Variants in SEL1L3 observed in about 807,000 individuals in gnomAD.
The protein encoded by SEL1L3 is SEL1L family member 3.
A neutral mutation model predicts 142.8 loss-of-function variants in SEL1L3; 76 were observed. The ratio of observed to expected loss-of-function variants is 0.53; its 90% CI spans 0.44 to 0.64. The LOEUF (loss-of-function observed/expected upper bound fraction) is 0.64, where lower values mean the gene tolerates loss of function less well. Among genes scored for constraint, SEL1L3 ranks in the 30% least tolerant of loss-of-function variants. SEL1L3 has a pLI of 0.00. For synonymous variants in SEL1L3, 504 were observed against 519.6 expected, an observed-to-expected ratio of 0.97 and a Z score of 0.41; for missense variants, 1,262 against 1,381.7, an observed-to-expected ratio of 0.91 and a Z score of 1.37.
At chr4:25,714,480 CTTTCTTTCTCTTTCTTTCTT>C in the SEL1L3 span, among the ~76,000 whole-genome samples, 12 of 121,970 alleles carry the variant, frequency 9.8e-5, no homozygotes, top group African/African-American at 3.7e-4. Context: ...AAATTGCTTT[CTTTCTTTCTCTTTCTTTCTT>C]TTTCTTTCTT....
chr4:25,862,622 C>T (rs563433167), intron 1 of SEL1L3, 53 bp downstream of exon 1: 61 of 1,053,578 alleles, frequency 5.8e-5, no homozygotes, highest in Admixed American at 9.0e-5. Context: ...CCCCCACCCG[C>T]GTCCCCGGGG....
the SEL1L3 span, among the ~76,000 whole-genome samples, chr4:25,741,270 A>C: frequency 6.6e-6 from 1 of 150,704 alleles, no homozygotes; most frequent in South Asian, 2.1e-4. Flanking sequence ...CACCCAGCTA[A>C]TTTTTGTATT....
intron 9 of SEL1L3, among the ~76,000 whole-genome samples, chr4:25,812,173 A>G (rs564043308): frequency 2.0e-5 from 3 of 152,164 alleles, no homozygotes; most frequent in Admixed American, 6.5e-5. Flanking sequence ...ATATGACCAC[A>G]CATGGCGTGT....
At chr4:25,752,366 G>A (rs192722361) in intron 23 of SEL1L3, among the ~76,000 whole-genome samples, 31 of 146,600 alleles carry the variant, frequency 2.1e-4, no homozygotes, top group Non-Finnish European at 2.4e-4. Flanking sequence ...GCAGTGAGCC[G>A]AGATAGCGCC....
chr4:25,753,385 G>A (rs1406656272), intron 23 of SEL1L3, among the ~76,000 whole-genome samples: 1 of 152,186 alleles, frequency 6.6e-6, no homozygotes, highest in Non-Finnish European at 1.5e-5. Flanking sequence ...AGCTGCTGAC[G>A]GGAGGCTCCT....
chr4:25,745,921 T>A (rs1717247620), downstream of SEL1L3, among the ~76,000 whole-genome samples: 1 of 152,258 alleles, frequency 6.6e-6, no homozygotes, highest in Non-Finnish European at 1.5e-5. Context: ...GGAGAGAGGA[T>A]CTCAGCAGAG....
chr4:25,832,924 G>A (rs535314063), intron 5 of SEL1L3, 71 bp downstream of exon 5: 45 of 935,298 alleles, frequency 4.8e-5, no homozygotes, highest in South Asian at 3.3e-4. Context: ...GTTGCTCCCC[G>A]GCTTTATAGC....
chr4:25,795,585 G>C (rs954147735), intron 11 of SEL1L3, among the ~76,000 whole-genome samples: 3 of 152,096 alleles, frequency 2.0e-5, no homozygotes, highest in Admixed American at 2.0e-4. Context: ...CCCATGTTAC[G>C]GGTGAGAAAC....
chr4:25,723,730 G>C, the SEL1L3 span, among the ~76,000 whole-genome samples: 4 of 152,102 alleles, frequency 2.6e-5, no homozygotes, highest in South Asian at 8.3e-4. Flanking sequence ...ACCACCACCA[G>C]CTGCTGGTCC....
At chr4:25,726,712 G>A in the SEL1L3 span, among the ~76,000 whole-genome samples, 17 of 152,128 alleles carry the variant, frequency 1.1e-4, no homozygotes, top group Admixed American at 6.6e-5. Flanking sequence ...CCCTTTGGGT[G>A]GTGAAATTAT....
Position 25,750,220 on chromosome 4 carries a change from G to A in SEL1L3, c.3260-1656C>T, listed in dbSNP as rs187068628. Among the ~76,000 whole-genome samples the A allele has an allele frequency of 6.1e-5, 8 of 131,308 alleles. No homozygotes were observed. The East Asian group carries it at 1.8e-3, about 30-fold the overall frequency. The allele number at this position is 131,308 out of a possible 152,430, so 86.1% of individuals were successfully genotyped here. On this transcript the variant is annotated intron_variant, in intron 23 of 23. Coordinates refer to ENST00000399878, the MANE Select transcript of SEL1L3 (RefSeq NM_015187.5). ...ACTGCACACCAGCCTGGGCGACAGA[G>A]CGAGACTCCATCTCAAAAAAAAAAA...
At chr4:25,776,689 A>T (rs939308311) in intron 16 of SEL1L3, 8 of 184,222 alleles carry the variant, frequency 4.3e-5, no homozygotes, top group Non-Finnish European at 6.8e-5. Flanking sequence ...CTGACTTATT[A>T]TTAGCTTTCC....
chr4:25,818,423 TATG>T, intron 8 of SEL1L3, 145 bp from the exon 9 acceptor site: 2 of 741,896 alleles, frequency 2.7e-6, no homozygotes, highest in Non-Finnish European at 4.1e-6. Flanking sequence ...TGAAATTGGC[TATG>T]ATGCTTTTGC....
intron 9 of SEL1L3, among the ~76,000 whole-genome samples, chr4:25,810,961 G>A (rs1177804187): frequency 2.6e-5 from 4 of 152,210 alleles, no homozygotes; most frequent in African/African-American, 9.7e-5. Flanking sequence ...GAAAACACCA[G>A]TGGGAACAGC....
intron 11 of SEL1L3, among the ~76,000 whole-genome samples, chr4:25,794,336 C>A (rs190030491): frequency 0.019 from 2,834 of 152,044 alleles, 70 homozygotes; most frequent in African/African-American, 0.063. Flanking sequence ...AGAAAAAAAA[C>A]CAAACAACTT....
At chr4:25,855,657 A>G (rs1717207640) in intron 1 of SEL1L3, among the ~76,000 whole-genome samples, 1 of 152,136 alleles carries the variant, frequency 6.6e-6, no homozygotes, top group African/African-American at 2.4e-5. Context: ...GCTACCTGGG[A>G]GGCTAAAGCA....
the SEL1L3 span, among the ~76,000 whole-genome samples, chr4:25,739,817 C>T: frequency 1.3e-5 from 2 of 148,794 alleles, no homozygotes; most frequent in African/African-American, 4.9e-5. Flanking sequence ...TGTATATATA[C>T]ATATAAGCGT....
At chr4:25,746,856 G>C (rs1385031178), downstream of SEL1L3, among the ~76,000 whole-genome samples, 2 of 151,886 alleles carry the variant, frequency 1.3e-5, no homozygotes, top group Non-Finnish European at 2.9e-5. Context: ...TTATAGCAAT[G>C]CAAGAATGAC....
At chr4:25,815,290 G>C (rs2109248318) in intron 9 of SEL1L3, among the ~76,000 whole-genome samples, 1 of 152,298 alleles carries the variant, frequency 6.6e-6, no homozygotes, top group Middle Eastern at 3.4e-3. Flanking sequence ...CCACTGATGG[G>C]GGCCCCAGAA....
Sources: allele counts gnomAD v4.1 joint callset (sites outside exome capture counted in the v4.1 genomes callset), GRCh38; gene constraint gnomAD v4.1.1; transcripts MANE v1.5; gene names NCBI Gene and HGNC (gene_info 2026-07-23, HGNC 2026-07-21).